Variants in STAT4 observed in about 807,000 individuals in gnomAD.
STAT4 encodes signal transducer and activator of transcription 4.
A neutral mutation model predicts 110.5 loss-of-function variants in STAT4; 42 were observed. The observed-to-expected ratio is 0.38, with a 90% confidence interval of 0.30 to 0.49. The LOEUF (loss-of-function observed/expected upper bound fraction) is 0.49. STAT4 is among the 20% of genes least tolerant of loss of function. STAT4 has a pLI of 0.95. For synonymous variants in STAT4, 284 were observed against 302.2 expected (o/e 0.94, Z 0.63); for missense variants, 632 against 887.9 (o/e 0.71, Z 3.66).
At chr2:191,064,714 G>T in intron 8 of STAT4, 93 bp downstream of exon 8, 1 of 1,439,134 alleles carries the variant, frequency 6.9e-7, no homozygotes, top group Non-Finnish European at 9.3e-7. Flanking sequence ...ATGAACTGAT[G>T]TTGCAGTCTA....
chr2:191,079,066 T>C (rs1697392983), intron 3 of STAT4, among the ~76,000 whole-genome samples: 1 of 152,124 alleles, frequency 6.6e-6, no homozygotes, highest in Non-Finnish European at 1.5e-5. Flanking sequence ...AAGTGTTCCT[T>C]TGTGGGTGGG....
chr2:191,145,938 A>C (rs1162249685), intron 3 of STAT4, among the ~76,000 whole-genome samples: 2 of 152,142 alleles, frequency 1.3e-5, no homozygotes, highest in African/African-American at 4.8e-5. Context: ...CTCACCCCTT[A>C]ATCAGTAAAC....
At position 191,053,595 on chromosome 2, in the gene STAT4, T is replaced by G. The variant is rs1172779631; in HGVS notation, c.1251+895A>C. On this transcript the variant is annotated intron_variant, in intron 14 of 23. Coordinates refer to ENST00000392320, the MANE Select transcript of STAT4 (RefSeq NM_003151.4). This position sits in a 1 kb window ranked among gnomAD's most constrained non-coding sequence, Gnocchi z 4.5. Reference sequence around the variant, plus strand: ...CTTTCATTCAATTTGTCTAGTGAAATGCAAACATTAGAGAGCGAGGTAATT... The same window carrying G: ...CTTTCATTCAATTTGTCTAGTGAAAGGCAAACATTAGAGAGCGAGGTAATT... Among the ~76,000 whole-genome samples the G allele has an allele frequency of 6.6e-6, 1 of 152,212 alleles. No homozygotes were observed. The highest frequency in any genetic ancestry group is 1.5e-5 in the Non-Finnish European group (1 of 68,038).
chr2:191,090,037 A>C lies in STAT4; in HGVS notation c.274-13712T>G, dbSNP rs955327685. 3.3e-5 allele frequency among the ~76,000 whole-genome samples: 5 copies of C among 152,180 alleles called. No homozygotes were observed. The highest frequency in any genetic ancestry group is 1.2e-4 in the African/African-American group (5 of 41,442). On this transcript the variant is annotated intron_variant, in intron 3 of 23. Coordinates refer to ENST00000392320, the MANE Select transcript of STAT4 (RefSeq NM_003151.4). The surrounding 1 kb of genome is among the most constrained non-coding windows in gnomAD (Gnocchi z 4.2). ...CACATAGAACATATAGTGAGCCCTA[A>C]TGTAAATTATGGGACTTTAGTTAAT...
rs879320731 is a variant in STAT4 at position 191,077,530 on chromosome 2, G to A, written c.274-1205C>T. ...TGAATATATATGAAATGACCAAAAG[G>A]TTAGCAGCAGAAAAAATAAAACAAA... is the stretch of plus-strand genomic sequence containing the variant. On this transcript the variant is annotated intron_variant, in intron 3 of 23. Coordinates refer to ENST00000392320, the MANE Select transcript of STAT4 (RefSeq NM_003151.4). The surrounding 1 kb of genome is among the most constrained non-coding windows in gnomAD (Gnocchi z 4.1). Among the ~76,000 whole-genome samples the A allele has an allele frequency of 5.3e-5, 8 of 151,910 alleles. No homozygotes were observed. The highest frequency in any genetic ancestry group is 7.4e-5 in the Non-Finnish European group (5 of 67,970).
intron 3 of STAT4, among the ~76,000 whole-genome samples, chr2:191,102,465 C>T (rs1011965066): frequency 5.9e-5 from 9 of 152,160 alleles, no homozygotes; most frequent in African/African-American, 1.9e-4. Context: ...CAGTGGTTCA[C>T]AACCTTGTTT....
intron 3 of STAT4, among the ~76,000 whole-genome samples, chr2:191,093,955 T>C (rs1222262353): frequency 2.0e-5 from 3 of 152,094 alleles, no homozygotes; most frequent in Non-Finnish European, 4.4e-5. Flanking sequence ...CAAGCTTCAA[T>C]AGCCAATTCA....
At position 191,051,604 on chromosome 2, in the gene STAT4, C is replaced by CATT. The variant is rs1048806517; in HGVS notation, c.1251+2883_1251+2885dup. ...AGGTCAACAACATTTTCTGAGGAAG[C>CATT]ATTATTTTAAATTATGGTGTGAGAC... On this transcript the variant is annotated intron_variant, in intron 14 of 23. Coordinates refer to ENST00000392320, the MANE Select transcript of STAT4 (RefSeq NM_003151.4). The surrounding 1 kb of genome is among the most constrained non-coding windows in gnomAD (Gnocchi z 5.6). Among the ~76,000 whole-genome samples the CATT allele has an allele frequency of 6.6e-6, 1 of 152,226 alleles. No homozygotes were observed. Among genetic ancestry groups the CATT allele is most frequent in the African/African-American group, 2.4e-5 (1 of 41,462 alleles).
At position 191,033,180 on chromosome 2, in the gene STAT4, G is replaced by A. The variant is rs373200261; in HGVS notation, c.1853-31C>T. ...AAAACAGAAATTGGAGAAATATACA[G>A]GTTCCTGTACACATTCCTTGTGACC... On this transcript the variant is annotated intron_variant, in intron 20 of 23. Coordinates refer to ENST00000392320, the MANE Select transcript of STAT4 (RefSeq NM_003151.4). This position sits in a 1 kb window ranked among gnomAD's most constrained non-coding sequence, Gnocchi z 6.9. The A allele has an allele frequency of 6.6e-4, 1,056 of 1,604,078 alleles. 3 individuals carry two copies. The highest frequency in any genetic ancestry group is 1.2e-3 in the Admixed American group (73 of 59,190).
rs942100445 is a variant in STAT4 at position 191,099,174 on chromosome 2, C to T, written c.274-22849G>A. On this transcript the variant is annotated intron_variant, in intron 3 of 23. Coordinates refer to ENST00000392320, the MANE Select transcript of STAT4 (RefSeq NM_003151.4). The surrounding 1 kb of genome is among the most constrained non-coding windows in gnomAD (Gnocchi z 4.1). ...AAATAAAGACAGAGATAGTATTTCC[C>T]AAAAAGTCAGGTTGACAAAAATAAA... Among the ~76,000 whole-genome samples the T allele has an allele frequency of 6.6e-6, 1 of 151,710 alleles. No individual in the cohort carries two copies. Among genetic ancestry groups the T allele is most frequent in the African/African-American group, 2.4e-5 (1 of 41,314 alleles).
intron 3 of STAT4, among the ~76,000 whole-genome samples, chr2:191,085,181 GA>G (rs1422574202): frequency 6.6e-6 from 1 of 151,514 alleles, no homozygotes; most frequent in Non-Finnish European, 1.5e-5. Flanking sequence ...TGAAATCTTT[GA>G]ATTATCATTT....
At chr2:191,081,578 C>G (rs1286350587) in intron 3 of STAT4, among the ~76,000 whole-genome samples, 1 of 152,164 alleles carries the variant, frequency 6.6e-6, no homozygotes, top group Non-Finnish European at 1.5e-5. Flanking sequence ...TGATTTGCAT[C>G]TCTCTGATGA....
Position 191,034,572 on chromosome 2 carries a change from G to T in STAT4, c.1596C>A (p.His532Gln), listed in dbSNP as rs147850919. 9.3e-6 allele frequency: 15 copies of T among 1,613,746 alleles called. No homozygotes were observed. Among genetic ancestry groups the T allele is most frequent in the Non-Finnish European group, 1.2e-5 (14 of 1,179,704 alleles). ...CCTTGCAGAACTTGGCCCAGGTGAG[G>T]TGACCATCACTGTAGCTAGATTGGA... is the stretch of plus-strand genomic sequence containing the variant. ...LTVQSSYSDG[H>Q]LTWAKFCKEH... Residue 532 changes from histidine to glutamine, a missense_variant, in exon 18 of 24, where the codon CAC (histidine) becomes CAA (glutamine). His to Gln is a conservative substitution (Grantham distance 24). Transcript: ENST00000392320.
chr2:191,144,870 T>C lies in STAT4; in HGVS notation c.273+1743A>G, dbSNP rs949705875. Among the ~76,000 whole-genome samples, 1 of 152,222 alleles carries C rather than the reference T, an allele frequency of 6.6e-6. No homozygotes were observed. Among genetic ancestry groups the C allele is most frequent in the African/African-American group, 2.4e-5 (1 of 41,458 alleles). On this transcript the variant is annotated intron_variant, in intron 3 of 23. Transcript: ENST00000392320. The surrounding 1 kb of genome is among the most constrained non-coding windows in gnomAD (Gnocchi z 4.7). ...AAGGTAGATAATAATTATCTTTGTT[T>C]ACATTAAAAGATACAGGTCAGAAGA...
At chr2:191,111,900 T>G (rs1030247062) in intron 3 of STAT4, among the ~76,000 whole-genome samples, 1 of 152,034 alleles carries the variant, frequency 6.6e-6, no homozygotes, top group African/African-American at 2.4e-5. Flanking sequence ...TGATTCTAAT[T>G]GGATTGAACT....
chr2:191,108,290 C>CAA (rs67882536), intron 3 of STAT4, among the ~76,000 whole-genome samples: 6 of 116,792 alleles, frequency 5.1e-5, no homozygotes, highest in African/African-American at 1.8e-4. Flanking sequence ...AACTCTATCT[C>CAA]AAAAAAAAAA....
At chr2:191,079,235 T>TCACACACACACACA (rs147894714) in intron 3 of STAT4, among the ~76,000 whole-genome samples, 58 of 150,710 alleles carry the variant, frequency 3.8e-4, no homozygotes, top group South Asian at 6.3e-4. Flanking sequence ...ACTTGTCAAG[T>TCACACACACACACA]CACGCACACA....
chr2:191,150,954 T>C lies in STAT4; in HGVS notation c.-9A>G. 1.0e-6 allele frequency: 1 copy of C among 985,612 alleles called. No homozygotes were observed. Among genetic ancestry groups the C allele is most frequent in the Non-Finnish European group, 1.2e-6 (1 of 830,042 alleles). 61.1% of individuals were successfully genotyped at this position (985,612 alleles called of 1,614,324 possible). On this transcript the variant is annotated 5_prime_UTR_variant, in exon 1 of 24. Transcript: ENST00000392320. This position sits in a 1 kb window ranked among gnomAD's most constrained non-coding sequence, Gnocchi z 6.4. The stretch of plus-strand genomic sequence containing the variant: ...TGTGGTCTGGCCACTTACCTAGCGC[T>C]CTCTCAGCACAGGTCCCAGGCAGTG...
intron 3 of STAT4, among the ~76,000 whole-genome samples, chr2:191,101,421 G>C (rs762413725): frequency 1.3e-5 from 2 of 151,842 alleles, no homozygotes; most frequent in African/African-American, 4.8e-5. Context: ...AAAATTGTTC[G>C]ACAACACTAT....
Sources: allele counts gnomAD v4.1 joint callset (sites outside exome capture counted in the v4.1 genomes callset), GRCh38; gene constraint gnomAD v4.1.1; non-coding constraint Gnocchi (gnomAD v3.1); transcripts MANE v1.5; gene names NCBI Gene and HGNC (gene_info 2026-07-23, HGNC 2026-07-21).